Variants in CTPS2 observed in about 807,000 individuals in gnomAD.
CTPS2 encodes the protein CTP synthase II.
In CTPS2, 19 loss-of-function variants were observed where a neutral mutation model predicts 46.8. That is an observed-to-expected ratio of 0.41 (90% CI 0.28 to 0.60). The LOEUF is 0.60. Among genes scored for constraint, CTPS2 ranks in the 20% least tolerant of loss-of-function variants. CTPS2 has a pLI of 0.35. For synonymous variants in CTPS2, 151 were observed against 165.2 expected, an observed-to-expected ratio of 0.91 and a Z score of 0.66; for missense variants, 286 against 447.6, an observed-to-expected ratio of 0.64 and a Z score of 3.26.
intron 8 of CTPS2, 59 bp from the exon 9 acceptor site, chrX:16,683,285 C>G: frequency 8.8e-7 from 1 of 1,133,604 alleles, no homozygotes; most frequent in Non-Finnish European, 1.2e-6. Context: ...ACAAACAGAA[C>G]AATGGCAGCT....
chrX:16,616,228 T>A (rs1252175178), intron 16 of CTPS2, among the ~76,000 whole-genome samples: 1 of 112,174 alleles, frequency 8.9e-6, no homozygotes, highest in Non-Finnish European at 1.9e-5. Context: ...ATGTGTAGTT[T>A]GTGCCTATGT....
intron 8 of CTPS2, among the ~76,000 whole-genome samples, chrX:16,685,070 G>T (rs1261592539): frequency 1.8e-5 from 2 of 110,877 alleles, no homozygotes; most frequent in East Asian, 5.6e-4. Context: ...CAGCCTGGGC[G>T]ACAGAGCCAG....
chrX:16,695,381 T>C (rs1375712269), intron 4 of CTPS2, among the ~76,000 whole-genome samples: 1 of 111,301 alleles, frequency 9.0e-6, no homozygotes, highest in Non-Finnish European at 1.9e-5. Context: ...TCAATATTAC[T>C]ACTGGAATAG....
rs1924275804 is a variant in CTPS2 at position 16,698,273 on chromosome X, T to A, written c.401A>T (p.Asp134Val). ...WVMNQAKVPV[D>V]GNKEEPQICV... is the part of the protein sequence containing the mutation. ...TATTTGGGGCTCTTCCTTATTACCA[T>A]CCACCGGCACCTTGGCTTGATTCAT... The change falls in exon 4 of 19, where the codon GAT becomes GTT. Residue 134 changes from aspartate (D) to valine (V), a missense_variant. Transcript: ENST00000359276. 3 of 1,205,999 alleles carry A rather than the reference T, an allele frequency of 2.5e-6. No homozygotes were observed. The highest frequency in any genetic ancestry group is 2.2e-6 in the Non-Finnish European group (2 of 892,098).
At chrX:16,633,084 GTT>G (rs11287714) in intron 14 of CTPS2, among the ~76,000 whole-genome samples, 1,226 of 77,104 alleles carry the variant, frequency 0.016, 24 homozygotes, top group African/African-American at 0.061. Context: ...CTTTTCTTTT[GTT>G]TTTTTTTTTT....
chrX:16,588,834 A>T lies in CTPS2; in HGVS notation c.*983T>A, dbSNP rs1928745476. ...TGTTCACTTCAAAATGGTTAATTCT[A>T]TGTTACGTGAATTTCACGTCGATTA... On this transcript the variant is annotated 3_prime_UTR_variant, in exon 19 of 19. Coordinates refer to ENST00000359276, the MANE Select transcript of CTPS2 (RefSeq NM_175859.3). The T allele has an allele frequency of 1.8e-5, 2 of 112,043 alleles. No homozygotes were observed. Among genetic ancestry groups the T allele is most frequent in the South Asian group, 7.4e-4 (2 of 2,687 alleles). The allele number at this position is 112,043 out of a possible 1,213,427, so 9.2% of individuals were successfully genotyped here.
At chrX:16,613,414 G>A (rs979114798) in intron 16 of CTPS2, among the ~76,000 whole-genome samples, 4 of 111,761 alleles carry the variant, frequency 3.6e-5, no homozygotes, top group African/African-American at 1.3e-4. Context: ...GGCATGCACT[G>A]GGACTAGTGT....
rs760764830 is a variant in CTPS2 at position 16,680,247 on chromosome X, T to C, written c.1006-1797A>G. Among the ~76,000 whole-genome samples, 7 of 111,899 alleles carry C rather than the reference T, an allele frequency of 6.3e-5. No homozygotes were observed. The South Asian group carries it at 1.1e-3, about 18-fold the overall frequency. ...CAGTCCCTCTCTATCTATATTAGTT[T>C]AGTATTTCTTCTGTAAAAATGACTC... On this transcript the variant is annotated intron_variant, in intron 9 of 18. Transcript: ENST00000359276.
chrX:16,634,068 C>T (rs1931616888), intron 14 of CTPS2, among the ~76,000 whole-genome samples: 1 of 111,713 alleles, frequency 9.0e-6, no homozygotes, highest in South Asian at 3.7e-4. Context: ...CGATTAAATA[C>T]TATATGCACA....
At chrX:16,635,471 G>A (rs1931697545) in intron 14 of CTPS2, among the ~76,000 whole-genome samples, 1 of 111,080 alleles carries the variant, frequency 9.0e-6, no homozygotes, top group South Asian at 3.8e-4. Context: ...TTGGGGGTTC[G>A]AGACCAGCCT....
chrX:16,662,926 G>A (rs67069170), intron 13 of CTPS2, among the ~76,000 whole-genome samples: 14,592 of 110,554 alleles, frequency 0.13, 709 homozygotes, highest in East Asian at 0.16. Context: ...GTGTTCGCGC[G>A]TGGGTGCAAG....
chrX:16,655,834 C>T (rs1271768346), intron 13 of CTPS2, among the ~76,000 whole-genome samples: 8 of 108,615 alleles, frequency 7.4e-5, no homozygotes, highest in Non-Finnish European at 1.1e-4. Context: ...CTTGCTCTGT[C>T]GCCCAGGCTG....
rs773609946 is a variant in CTPS2, at chrX:16,698,923, C to T, written c.337G>A (p.Val113Ile). ...RGDYLGKTVQ[V>I]VPHITDAVQE... ...CCATAATGTCTGTGGAATATAATAC[C>T]TTGCACTGTTTTCCCCAGGTAATCA... Residue 113 changes from valine to isoleucine, a missense_variant and splice_region_variant, in exon 3 of 19, where the codon GTT (valine) becomes ATT (isoleucine). By Grantham distance (29) the Val-to-Ile change is conservative. Transcript: ENST00000359276. The T allele has an allele frequency of 8.3e-7, 1 of 1,197,900 alleles. No individual in the cohort carries two copies. Among genetic ancestry groups the T allele is most frequent in the Non-Finnish European group, 1.1e-6 (1 of 887,667 alleles).
At chrX:16,656,140 C>G (rs1932812854) in intron 13 of CTPS2, among the ~76,000 whole-genome samples, 1 of 111,979 alleles carries the variant, frequency 8.9e-6, no homozygotes, top group African/African-American at 3.2e-5. Flanking sequence ...TTGTTAAACA[C>G]TTGTTTCTAA....
At chrX:16,627,253 G>A (rs1203229322) in intron 14 of CTPS2, among the ~76,000 whole-genome samples, 1 of 111,772 alleles carries the variant, frequency 8.9e-6, no homozygotes, top group African/African-American at 3.3e-5. Flanking sequence ...AAGGACCAGA[G>A]CCCTCTCGTA....
intron 17 of CTPS2, among the ~76,000 whole-genome samples, chrX:16,606,821 G>A (rs1287536193): frequency 9.0e-6 from 1 of 111,184 alleles, no homozygotes; most frequent in Non-Finnish European, 1.9e-5. Flanking sequence ...GAGTGCAGTG[G>A]TGCAATCTCA....
chrX:16,593,926 T>C (rs1929086729), intron 17 of CTPS2, among the ~76,000 whole-genome samples: 1 of 111,204 alleles, frequency 9.0e-6, no homozygotes, highest in Non-Finnish European at 1.9e-5. Context: ...TACATCCTAT[T>C]CATGCACTCT....
chrX:16,677,668 G>A (rs979815481), intron 10 of CTPS2, among the ~76,000 whole-genome samples: 2 of 111,624 alleles, frequency 1.8e-5, no homozygotes, highest in Admixed American at 1.9e-4. Context: ...AAAAGATACA[G>A]GTCATAAAGA....
intron 14 of CTPS2, chrX:16,638,705 G>C (rs950496865): frequency 1.1e-5 from 3 of 275,394 alleles, no homozygotes; most frequent in Admixed American, 4.5e-5. Context: ...GTGCATAACT[G>C]CCCTCCTACT....
Sources: gnomAD v4.1 joint callset for allele counts (sites outside exome capture counted in the v4.1 genomes callset) on GRCh38, gnomAD v4.1.1 for gene constraint, MANE v1.5 for transcripts, NCBI Gene and HGNC (gene_info 2026-07-23, HGNC 2026-07-21) for gene names.